TPO: variants seen among roughly 807,000 people sequenced by gnomAD.
TPO encodes the protein thyroid peroxidase, also known as thyroid microsomal antigen.
Under a neutral mutation model 96.9 loss-of-function variants are expected in TPO, and 78 were observed. The observed-to-expected ratio is 0.81, with a 90% confidence interval of 0.67 to 0.97. The LOEUF is 0.97. Ranked by LOEUF, TPO falls within the 50% of genes least tolerant of loss-of-function variation. TPO has a pLI of 0.00. For missense variants in TPO, 1,252 were observed against 1,274.8 expected, an observed-to-expected ratio of 0.98 and a Z score of 0.27; for synonymous variants, 547 against 538.0, an observed-to-expected ratio of 1.02 and a Z score of -0.23.
rs1300259473 is a variant in TPO, at chr2:1,537,513, TCTGTGCAACCTCCGCCTATCCCCCCCA to T, written c.2619-3080_2619-3054del. Reference sequence around the variant, plus strand: ...TGCAGCCTCCCCAAATCCCCCCAACTCTGTGCAACCTCCGCCTATCCCCCCCAGTGTGCAACCTCCTGAAATCCCCCA... The same window carrying T: ...TGCAGCCTCCCCAAATCCCCCCAACTGTGTGCAACCTCCTGAAATCCCCCA... On this transcript the variant is annotated intron_variant, in intron 15 of 16. Coordinates refer to ENST00000329066, the MANE Select transcript of TPO (RefSeq NM_001206744.2). Among the ~76,000 whole-genome samples the T allele has an allele frequency of 8.1e-4, 36 of 44,714 alleles. 1 individual carries two copies. The highest frequency in any genetic ancestry group is 1.0e-3 in the Non-Finnish European group (23 of 22,290). 29.3% of individuals were successfully genotyped at this position (44,714 alleles called of 152,430 possible).
At chr2:1,502,150 T>A (rs1342803266) in intron 13 of TPO, among the ~76,000 whole-genome samples, 1 of 152,152 alleles carries the variant, frequency 6.6e-6, no homozygotes, top group Non-Finnish European at 1.5e-5. Flanking sequence ...AAACACTCCC[T>A]ACCCCAGAGG....
chr2:1,448,942 G>A (rs918268962), intron 5 of TPO, among the ~76,000 whole-genome samples: 3 of 152,244 alleles, frequency 2.0e-5, no homozygotes, highest in Middle Eastern at 6.8e-3. Flanking sequence ...CTTCCCTCCC[G>A]GATGCACAGA....
chr2:1,458,422 T>C (rs1301354913), intron 7 of TPO, among the ~76,000 whole-genome samples: 1 of 151,768 alleles, frequency 6.6e-6, no homozygotes, highest in Non-Finnish European at 1.5e-5. Context: ...GTATATGGCA[T>C]ATAAGATAGT....
At chr2:1,511,154 T>TGGGGGTGCCACAGCACAGCCCTGCAGACG (rs1674067670) in intron 14 of TPO, among the ~76,000 whole-genome samples, 1 of 152,024 alleles carries the variant, frequency 6.6e-6, no homozygotes, top group African/African-American at 2.4e-5. Context: ...ATTCATTTCC[T>TGGGGGTGCCACAGCACAGCCCTGCAGACG]GGGGGTGCCA....
intron 1 of TPO, among the ~76,000 whole-genome samples, chr2:1,392,420 G>A (rs1662016375): frequency 6.6e-6 from 1 of 152,078 alleles, no homozygotes; most frequent in South Asian, 2.1e-4. Context: ...ATTTTATTGA[G>A]GATTTTTGCA....
chr2:1,484,894 C>G (rs531320615), intron 9 of TPO, 40 bp downstream of exon 9: 2 of 1,610,136 alleles, frequency 1.2e-6, no homozygotes, highest in East Asian at 2.2e-5. Context: ...CCCATGAACT[C>G]TTCCTTCTTT....
At chr2:1,525,923 T>C (rs1309796124) in intron 15 of TPO, among the ~76,000 whole-genome samples, 1 of 116,704 alleles carries the variant, frequency 8.6e-6, no homozygotes, top group African/African-American at 3.5e-5. Context: ...ATCCCCCCAC[T>C]GTGCGCAACC....
At chr2:1,455,952 C>T (rs1478669667) in intron 6 of TPO, 124 bp from the exon 7 acceptor site, 1 of 962,556 alleles carries the variant, frequency 1.0e-6, no homozygotes, top group African/African-American at 1.6e-5. Flanking sequence ...GGGCACAGAT[C>T]TCCTAGGGGC....
At position 1,375,172 on chromosome 2, in the gene TPO, G is replaced by A. The variant is rs189575914; in HGVS notation, n.180+770G>A. Among the ~76,000 whole-genome samples the A allele has an allele frequency of 1.1e-4, 16 of 152,064 alleles. No homozygotes were observed. In the East Asian group the frequency reaches 1.4e-3, roughly 13 times the overall value. ...AATTGCATTAAATTACTTTGACCACGCATTGCTTAGGGCTGAAAAATCATG... is the reference window on the plus strand; with the variant it reads ...AATTGCATTAAATTACTTTGACCACACATTGCTTAGGGCTGAAAAATCATG... On this transcript the variant is annotated intron_variant and non_coding_transcript_variant, in intron 1 of 5. Transcript: ENST00000497517.
intron 15 of TPO, among the ~76,000 whole-genome samples, chr2:1,526,053 TCCCCC>T (rs1166955081): frequency 2.3e-5 from 1 of 44,392 alleles, no homozygotes; most frequent in Non-Finnish European, 4.1e-5. Context: ...CCTCCCCAAA[TCCCCC>T]CACTGTGCGC....
chr2:1,526,511 G>A (rs1209064466), intron 15 of TPO, among the ~76,000 whole-genome samples: 3 of 87,114 alleles, frequency 3.4e-5, no homozygotes, highest in African/African-American at 4.8e-5. Flanking sequence ...TGCAACCCCC[G>A]CAAATCCTCC....
At chr2:1,510,920 AG>A (rs1674038995) in intron 14 of TPO, among the ~76,000 whole-genome samples, 1 of 152,254 alleles carries the variant, frequency 6.6e-6, no homozygotes, top group African/African-American at 2.4e-5. Flanking sequence ...TAGGTATAAA[AG>A]AATAGATTTA....
intron 12 of TPO, 148 bp downstream of exon 12, chr2:1,496,345 C>A (rs562299840): frequency 5.0e-6 from 2 of 396,508 alleles, no homozygotes; most frequent in Non-Finnish European, 9.7e-6. Context: ...GCTCCTGGGG[C>A]GGGGCGGGGC....
intron 14 of TPO, among the ~76,000 whole-genome samples, chr2:1,508,818 G>T (rs1673759839): frequency 6.6e-6 from 1 of 151,902 alleles, no homozygotes; most frequent in African/African-American, 2.4e-5. Flanking sequence ...CAATTTTGTT[G>T]ATCTTTTCAA....
chr2:1,475,718 C>T (rs1296541005), intron 7 of TPO, among the ~76,000 whole-genome samples: 1 of 152,240 alleles, frequency 6.6e-6, no homozygotes, highest in Non-Finnish European at 1.5e-5. Context: ...TCCCAAAGTG[C>T]TGGGATTACA....
intron 7 of TPO, among the ~76,000 whole-genome samples, chr2:1,467,610 T>A (rs1669021386): frequency 6.6e-6 from 1 of 152,220 alleles, no homozygotes; most frequent in Admixed American, 6.5e-5. Context: ...ACCTATCATA[T>A]GGTCTATCTC....
At chr2:1,524,911 ATC>A in intron 15 of TPO, among the ~76,000 whole-genome samples, 1 of 110,850 alleles carries the variant, frequency 9.0e-6, no homozygotes, top group African/African-American at 3.5e-5. Flanking sequence ...ACCTCCTCAA[ATC>A]TCCCCCGCTG....
chr2:1,397,080 G>A (rs1662093042), intron 1 of TPO, among the ~76,000 whole-genome samples: 1 of 152,124 alleles, frequency 6.6e-6, no homozygotes, highest in South Asian at 2.1e-4. Flanking sequence ...TCATCTGAAA[G>A]GTGGAAACAA....
chr2:1,433,387 A>C (rs766199597), intron 3 of TPO, 51 bp from the exon 4 acceptor site: 2 of 1,605,226 alleles, frequency 1.2e-6, no homozygotes, highest in Non-Finnish European at 1.7e-6. Flanking sequence ...ATTAAGTACC[A>C]AAGATACCAT....
Sources: allele counts gnomAD v4.1 joint callset (sites outside exome capture counted in the v4.1 genomes callset), GRCh38; gene constraint gnomAD v4.1.1; transcripts MANE v1.5; gene names NCBI Gene and HGNC (gene_info 2026-07-23, HGNC 2026-07-21).